Variants in GREB1L observed in about 807,000 individuals in gnomAD.
GREB1L encodes the protein GREB1 like retinoic acid receptor coactivator.
GREB1L carries 17 observed loss-of-function variants against 200.8 expected under a neutral mutation model. That is an observed-to-expected ratio of 0.08 (90% CI 0.06 to 0.13). The LOEUF is 0.13. GREB1L is among the 10% of genes least tolerant of loss of function. GREB1L has a pLI of 1.00. For synonymous variants in GREB1L, 789 were observed against 893.0 expected (o/e 0.88, Z 2.08); for missense variants, 1,657 against 2,367.7 (o/e 0.70, Z 6.23).
chr18:21,518,405 T>C (rs2037498564), intron 31 of GREB1L, among the ~76,000 whole-genome samples, 171 bp downstream of exon 31: 1 of 152,260 alleles, frequency 6.6e-6, no homozygotes, highest in Non-Finnish European at 1.5e-5. Flanking sequence ...CTTGTATTTC[T>C]ACCCTTTTGC....
Position 21,396,286 on chromosome 18 carries a change from C to T in GREB1L, c.532+725C>T, listed in dbSNP as rs556336518. ...TCTCAAACTCCTGACCTCAGATGAT[C>T]TGCCTGCCTTGGCCTCCCAAAGTGC... On this transcript the variant is annotated intron_variant, in intron 5 of 32. Transcript: ENST00000424526. Among the ~76,000 whole-genome samples the T allele has an allele frequency of 2.6e-4, 39 of 152,302 alleles. 2 individuals are homozygous for T. In the South Asian group the frequency reaches 7.9e-3, roughly 31 times the overall value.
chr18:21,344,950 G>T (rs1428307252), intron 1 of GREB1L, among the ~76,000 whole-genome samples: 1 of 152,060 alleles, frequency 6.6e-6, no homozygotes, highest in Non-Finnish European at 1.5e-5. Flanking sequence ...ACTGCCTTTG[G>T]CTGAGTTCCT....
At chr18:21,453,849 A>G (rs1209437210) in intron 14 of GREB1L, among the ~76,000 whole-genome samples, 1 of 152,178 alleles carries the variant, frequency 6.6e-6, no homozygotes, top group Non-Finnish European at 1.5e-5. Context: ...ATTTCCGACC[A>G]TGTTGCAACT....
intron 15 of GREB1L, among the ~76,000 whole-genome samples, chr18:21,471,102 G>A (rs976187339): frequency 6.6e-6 from 1 of 152,166 alleles, no homozygotes; most frequent in Non-Finnish European, 1.5e-5. Context: ...TCCAGTAAGG[G>A]AATGTATGGA....
chr18:21,350,729 C>T (rs2039420575), intron 1 of GREB1L, among the ~76,000 whole-genome samples: 1 of 152,008 alleles, frequency 6.6e-6, no homozygotes, highest in African/African-American at 2.4e-5. Flanking sequence ...CGATAGGAAA[C>T]AACTGATTGG....
rs533428566 is a variant in GREB1L, at chr18:21,289,442, G to A, written c.-120+47049G>A. On this transcript the variant is annotated intron_variant, in intron 1 of 32. Coordinates refer to ENST00000424526, the MANE Select transcript of GREB1L (RefSeq NM_001142966.3). Reference sequence around the variant, plus strand: ...AAGTACCAGCTACTTGGGAGGCTGAGGTGGGAGGATCACTTGAGCCCAGGA... The same window carrying A: ...AAGTACCAGCTACTTGGGAGGCTGAAGTGGGAGGATCACTTGAGCCCAGGA... 2.0e-5 allele frequency among the ~76,000 whole-genome samples: 3 copies of A among 152,078 alleles called. No homozygotes were observed. In the South Asian group the frequency reaches 6.2e-4, roughly 32 times the overall value.
At chr18:21,422,158 A>G (rs1291824655) in intron 7 of GREB1L, among the ~76,000 whole-genome samples, 9 of 152,160 alleles carry the variant, frequency 5.9e-5, no homozygotes, top group Admixed American at 5.9e-4. Context: ...GGTGAGATGT[A>G]GATGCTGAGC....
chr18:21,367,531 A>C (rs73962947), intron 2 of GREB1L, among the ~76,000 whole-genome samples: 1,859 of 152,282 alleles, frequency 0.012, 41 homozygotes, highest in African/African-American at 0.042. Flanking sequence ...ATCATTCTAC[A>C]AGCTTTTGGC....
intron 7 of GREB1L, among the ~76,000 whole-genome samples, chr18:21,436,420 G>A (rs929794319): frequency 2.6e-5 from 4 of 152,072 alleles, no homozygotes; most frequent in Non-Finnish European, 4.4e-5. Flanking sequence ...GATCATTTGA[G>A]ACCAAGAGTT....
At chr18:21,266,472 G>A (rs1209175043) in intron 1 of GREB1L, among the ~76,000 whole-genome samples, 7 of 152,192 alleles carry the variant, frequency 4.6e-5, no homozygotes, top group African/African-American at 1.2e-4. Context: ...CAGGGATTTT[G>A]TGGTGAGCCT....
intron 1 of GREB1L, among the ~76,000 whole-genome samples, chr18:21,277,086 G>A (rs531492233): frequency 6.6e-6 from 1 of 151,868 alleles, no homozygotes; most frequent in African/African-American, 2.4e-5. Flanking sequence ...CCACCACCAC[G>A]CCCAGCCAAT....
intron 11 of GREB1L, among the ~76,000 whole-genome samples, chr18:21,445,505 A>G (rs905324055): frequency 6.6e-6 from 1 of 152,216 alleles, no homozygotes; most frequent in African/African-American, 2.4e-5. Flanking sequence ...AAAAGAAAAA[A>G]ATATTTGAGA....
chr18:21,293,873 G>A (rs1000137291), intron 1 of GREB1L, among the ~76,000 whole-genome samples: 1 of 152,094 alleles, frequency 6.6e-6, no homozygotes, highest in African/African-American at 2.4e-5. Context: ...TCTGTCTCCC[G>A]GGTTCGAGTG....
At chr18:21,487,440 A>G (rs886258490) in intron 18 of GREB1L, among the ~76,000 whole-genome samples, 1 of 152,234 alleles carries the variant, frequency 6.6e-6, no homozygotes, top group Non-Finnish European at 1.5e-5. Flanking sequence ...AGCTTGAAAC[A>G]TAGATTATCT....
Position 21,398,724 on chromosome 18 carries a change from A to G in GREB1L, c.533-2426A>G, listed in dbSNP as rs954726156. 4.3e-4 allele frequency among the ~76,000 whole-genome samples: 66 copies of G among 152,326 alleles called. 1 individual carries two copies. The highest frequency in any genetic ancestry group is 3.4e-4 in the Non-Finnish European group (23 of 68,024). ...TGTGGATTCAAATATCAATTTGTCT[A>G]AATTTTTATATAAATTATGCAGATT... is the stretch of plus-strand genomic sequence containing the variant. On this transcript the variant is annotated intron_variant, in intron 5 of 32. Coordinates refer to ENST00000424526, the MANE Select transcript of GREB1L (RefSeq NM_001142966.3).
At chr18:21,301,309 G>A (rs755667085) in intron 1 of GREB1L, among the ~76,000 whole-genome samples, 5 of 152,142 alleles carry the variant, frequency 3.3e-5, no homozygotes, top group African/African-American at 1.2e-4. Flanking sequence ...TTTCCTTGAG[G>A]TGCTGGTATC....
In GREB1L at chr18:21,490,364, C is replaced by T. The variant is rs1256656131; in HGVS notation, c.3030+13C>T. On this transcript the variant is annotated intron_variant, in intron 19 of 32. Transcript: ENST00000424526. Reference sequence around the variant, plus strand: ...GGCGCGATTAAAGGTTAGCAATGGACAGACATTTCTCCTTTAAAATACCAT... The same window carrying T: ...GGCGCGATTAAAGGTTAGCAATGGATAGACATTTCTCCTTTAAAATACCAT... The T allele has an allele frequency of 2.6e-6, 4 of 1,540,370 alleles. No individual in the cohort carries two copies. The highest frequency in any genetic ancestry group is 2.5e-5 in the East Asian group (1 of 40,748).
At chr18:21,426,957 TCAAAAAAAAAAAAAA>T (rs1443613309) in intron 7 of GREB1L, among the ~76,000 whole-genome samples, 829 of 45,456 alleles carry the variant, frequency 0.018, 2 homozygotes, top group Middle Eastern at 0.13. Context: ...AGACTACGTC[TCAAAAAAAAAAAAAA>T]CAAAAAAAAA....
At chr18:21,464,867 T>C (rs1191084588) in intron 15 of GREB1L, among the ~76,000 whole-genome samples, 2 of 152,058 alleles carry the variant, frequency 1.3e-5, no homozygotes, top group Non-Finnish European at 2.9e-5. Flanking sequence ...TAAAAAATAA[T>C]GTCATGAAAG....
Sources: allele counts gnomAD v4.1 joint callset (sites outside exome capture counted in the v4.1 genomes callset), GRCh38; gene constraint gnomAD v4.1.1; transcripts MANE v1.5; gene names NCBI Gene and HGNC (gene_info 2026-07-23, HGNC 2026-07-21).